Variants in SCYL2 observed in about 807,000 individuals in gnomAD.
SCYL2 encodes SCY1 like pseudokinase 2, also known as SCY1-like protein 2.
SCYL2 carries 36 observed loss-of-function variants against 100.4 expected under a neutral mutation model. That is an observed-to-expected ratio of 0.36 (90% CI 0.27 to 0.47). The LOEUF (loss-of-function observed/expected upper bound fraction) is 0.47. SCYL2 is among the 20% of genes least tolerant of loss of function. The pLI, the probability that SCYL2 is intolerant of heterozygous loss-of-function variation, is 1.00. For synonymous variants in SCYL2, 330 were observed against 359.2 expected, an observed-to-expected ratio of 0.92 and a Z score of 0.92; for missense variants, 902 against 1,083.9, an observed-to-expected ratio of 0.83 and a Z score of 2.36.
intron 1 of SCYL2, among the ~76,000 whole-genome samples, chr12:100,280,743 G>A (rs896602666): frequency 6.6e-6 from 1 of 151,928 alleles, no homozygotes; most frequent in Non-Finnish European, 1.5e-5. Context: ...TTCAGATTTT[G>A]GATTTTTGAA....
At chr12:100,338,408 T>C in intron 17 of SCYL2, 120 bp from the exon 18 acceptor site, 1 of 787,636 alleles carries the variant, frequency 1.3e-6, no homozygotes, top group Non-Finnish European at 1.9e-6. Flanking sequence ...TTTGCTAATT[T>C]GGTGTAGACC....
intron 1 of SCYL2, among the ~76,000 whole-genome samples, chr12:100,281,788 C>T (rs1592930572): frequency 6.8e-6 from 1 of 146,828 alleles, no homozygotes; most frequent in African/African-American, 2.5e-5. Context: ...GAGCCAAGTT[C>T]ATGCCACTGC....
intron 14 of SCYL2, 69 bp from the exon 15 acceptor site, chr12:100,335,556 T>A (rs1248697219): frequency 8.9e-7 from 1 of 1,119,924 alleles, no homozygotes; most frequent in Non-Finnish European, 1.3e-6. Flanking sequence ...GAATAAATAA[T>A]TTTTGGCATG....
At chr12:100,318,523 G>A (rs1226243953) in intron 10 of SCYL2, among the ~76,000 whole-genome samples, 1 of 151,810 alleles carries the variant, frequency 6.6e-6, no homozygotes, top group African/African-American at 2.4e-5. Flanking sequence ...GTAGAGACAG[G>A]GTTTCGCCAT....
chr12:100,335,766 A>G (rs368647811), intron 15 of SCYL2, 45 bp from the exon 16 acceptor site: 18 of 1,598,262 alleles, frequency 1.1e-5, no homozygotes, highest in Non-Finnish European at 1.5e-5. Flanking sequence ...GCAAAATCAC[A>G]TTTTTATTGA....
intron 13 of SCYL2, among the ~76,000 whole-genome samples, chr12:100,332,288 A>G (rs548940174): frequency 6.6e-6 from 1 of 152,308 alleles, no homozygotes; most frequent in South Asian, 2.1e-4. Flanking sequence ...CCAAACTCCC[A>G]GAAGGAAGGC....
At chr12:100,302,155 C>T (rs547808562) in intron 4 of SCYL2, among the ~76,000 whole-genome samples, 2 of 152,276 alleles carry the variant, frequency 1.3e-5, no homozygotes, top group South Asian at 4.1e-4. Flanking sequence ...TTTTACACTT[C>T]ACTCTATTCT....
At chr12:100,313,384 AT>A in intron 6 of SCYL2, 37 bp from the exon 7 acceptor site, 1 of 958,008 alleles carries the variant, frequency 1.0e-6, no homozygotes, top group Non-Finnish European at 1.6e-6. Context: ...CTTTTTAAAT[AT>A]TTTATACTCA....
intron 4 of SCYL2, among the ~76,000 whole-genome samples, chr12:100,301,527 G>A (rs965100041): frequency 6.6e-6 from 1 of 152,092 alleles, no homozygotes; most frequent in Non-Finnish European, 1.5e-5. Flanking sequence ...GTCCGTTTTT[G>A]CTTCGGTTAC....
chr12:100,307,575 T>C (rs2096336181), intron 4 of SCYL2, among the ~76,000 whole-genome samples: 1 of 152,164 alleles, frequency 6.6e-6, no homozygotes, highest in African/African-American at 2.4e-5. Context: ...ATTCAGGACT[T>C]AGGCATGGGG....
At chr12:100,326,405 A>G (rs540630439) in intron 11 of SCYL2, among the ~76,000 whole-genome samples, 34 of 152,182 alleles carry the variant, frequency 2.2e-4, no homozygotes, top group Non-Finnish European at 4.4e-4. Flanking sequence ...TTAGCTCACT[A>G]GTGACCTGGT....
intron 1 of SCYL2, among the ~76,000 whole-genome samples, chr12:100,280,810 A>G (rs541346148): frequency 6.3e-4 from 96 of 152,184 alleles, no homozygotes; most frequent in African/African-American, 2.2e-3. Flanking sequence ...TGAAAAAATA[A>G]AAAAATCCAA....
intron 1 of SCYL2, among the ~76,000 whole-genome samples, chr12:100,269,546 C>T (rs1348216409): frequency 6.6e-6 from 1 of 151,994 alleles, no homozygotes; most frequent in Non-Finnish European, 1.5e-5. Context: ...ACTGAATGGG[C>T]CAAGAATTGT....
In SCYL2 at chr12:100,340,160, A is replaced by C. The variant is rs1952335075; in HGVS notation, c.*988A>C. ...AAAAATTGAGCAGTTGTATCTTCTGACCACCAACAGATTTTCAGCTTGCCA... is the reference window on the plus strand; with the variant it reads ...AAAAATTGAGCAGTTGTATCTTCTGCCCACCAACAGATTTTCAGCTTGCCA... On this transcript the variant is annotated 3_prime_UTR_variant, in exon 18 of 18. Transcript: ENST00000360820. 1 of 152,562 alleles carries C rather than the reference A, an allele frequency of 6.6e-6. No homozygotes were observed. Among genetic ancestry groups the C allele is most frequent in the Non-Finnish European group, 1.5e-5 (1 of 67,982 alleles). The allele number at this position is 152,562 out of a possible 1,614,324, so 9.5% of individuals were successfully genotyped here. A position where few individuals can be genotyped will look rare whatever the true frequency, so the allele number is the denominator to read the frequency against.
chr12:100,320,021 A>G (rs1471311331), intron 10 of SCYL2, among the ~76,000 whole-genome samples: 2 of 152,210 alleles, frequency 1.3e-5, no homozygotes, highest in Non-Finnish European at 2.9e-5. Context: ...AAAAGGTAGG[A>G]TTCTTAAAAA....
In SCYL2 at chr12:100,314,619, G is replaced by C; in HGVS notation, c.1095+5G>C. Reference sequence around the variant, plus strand: ...GTTCTACCAAAACTGCCCAAGGTTTGTTATTGTTAGTTTCTTATTAATAAT... The same window carrying C: ...GTTCTACCAAAACTGCCCAAGGTTTCTTATTGTTAGTTTCTTATTAATAAT... On this transcript the variant is annotated splice_donor_5th_base_variant and intron_variant, in intron 8 of 17. Coordinates refer to ENST00000360820, the MANE Select transcript of SCYL2 (RefSeq NM_017988.6). 4 of 1,586,544 alleles carry C rather than the reference G, an allele frequency of 2.5e-6. No individual in the cohort carries two copies. Among genetic ancestry groups the C allele is most frequent in the Non-Finnish European group, 3.4e-6 (4 of 1,171,384 alleles).
intron 4 of SCYL2, among the ~76,000 whole-genome samples, chr12:100,310,126 G>A (rs971129923): frequency 2.6e-5 from 4 of 152,062 alleles, no homozygotes; most frequent in African/African-American, 9.7e-5. Flanking sequence ...AGCCTACCGA[G>A]TAGCTGGGTC....
intron 4 of SCYL2, among the ~76,000 whole-genome samples, chr12:100,299,492 A>G (rs2096324983): frequency 6.6e-6 from 1 of 151,942 alleles, no homozygotes; most frequent in African/African-American, 2.4e-5. Context: ...GCTTCCTCAT[A>G]CTCCTTGTAA....
intron 10 of SCYL2, among the ~76,000 whole-genome samples, chr12:100,320,755 G>C (rs984270523): frequency 6.6e-6 from 1 of 151,902 alleles, no homozygotes; most frequent in African/African-American, 2.4e-5. Context: ...GGTGTTAGGG[G>C]GTCCTTTCCT....
Sources: gnomAD v4.1 joint callset for allele counts (sites outside exome capture counted in the v4.1 genomes callset) on GRCh38, gnomAD v4.1.1 for gene constraint, MANE v1.5 for transcripts, NCBI Gene and HGNC (gene_info 2026-07-23, HGNC 2026-07-21) for gene names.